The following THG1L variants were observed in gnomAD, a reference collection of about 807,000 sequenced individuals.
THG1L encodes the protein probable tRNA(His) guanylyltransferase.
THG1L carries 27 observed loss-of-function variants against 35.2 expected under a neutral mutation model. The observed-to-expected ratio is 0.77, with a 90% CI of 0.57 to 1.06. The LOEUF (loss-of-function observed/expected upper bound fraction) is 1.06, where lower values mean the gene tolerates loss of function less well. THG1L is among the 50% of genes least tolerant of loss of function. The probability of loss-of-function intolerance (pLI) is 0.00; values close to 1 mark genes in which losing one functional copy is unlikely to be tolerated. For missense variants in THG1L, 377 were observed against 371.8 expected, an observed-to-expected ratio of 1.01 and a Z score of -0.12; for synonymous variants, 135 against 132.4, an observed-to-expected ratio of 1.02 and a Z score of -0.14.
At chr5:157,736,525 C>T (rs991047548) in intron 4 of THG1L, among the ~76,000 whole-genome samples, 1 of 152,204 alleles carries the variant, frequency 6.6e-6, no homozygotes, top group Non-Finnish European at 1.5e-5. Context: ...GCTGGGATTA[C>T]AGGCGTGAGC....
chr5:157,732,875 G>T lies in THG1L; in HGVS notation c.199G>T (p.Glu67Ter). Residue 67 changes from glutamate (E) to a stop codon, truncating the protein, a stop_gained, in exon 2 of 6, where the codon GAG (glutamate) becomes TAG (stop). Transcript: ENST00000231198. LOFTEE classifies it high-confidence loss of function. Reference protein sequence around the residue: ...LDGRNFHRFAEKHNFAKPNDS... With the variant: ...LDGRNFHRFA ...CCTTTTTCCCCTGTGAAGGTTTGCT[G>T]AGAAGCACAACTTTGCAAAACCCAA... 6.2e-7 allele frequency: 1 copy of T among 1,614,158 alleles called. No homozygotes were observed. Among genetic ancestry groups the T allele is most frequent in the South Asian group, 1.1e-5 (1 of 91,072 alleles).
Position 157,739,604 on chromosome 5 carries a change from C to G in THG1L, c.*122C>G. The G allele has an allele frequency of 8.3e-7, 1 of 1,200,764 alleles. No individual in the cohort carries two copies. The allele number at this position is 1,200,764 out of a possible 1,614,324, so 74.4% of individuals were successfully genotyped here. ...GGACACTGGTGCGAATGACACAACTCAAGTTGGGAGGGGAACAGGGAAGGA... is the reference window on the plus strand; with the variant it reads ...GGACACTGGTGCGAATGACACAACTGAAGTTGGGAGGGGAACAGGGAAGGA... On this transcript the variant is annotated 3_prime_UTR_variant, in exon 6 of 6. Coordinates refer to ENST00000231198, the MANE Select transcript of THG1L (RefSeq NM_017872.5).
chr5:157,733,596 G>T (rs1371415064), intron 2 of THG1L, among the ~76,000 whole-genome samples: 1 of 151,974 alleles, frequency 6.6e-6, no homozygotes, highest in Non-Finnish European at 1.5e-5. Flanking sequence ...CTCTCGAAGT[G>T]CTAGGATTAC....
In THG1L at chr5:157,731,599, G is replaced by T; in HGVS notation, c.159G>T (p.Val53=). ...ACACCTGCCTGGCACACTGCTGGGT[G>T]GTAGTGCGGCTGGACGGCCGGAATT... The part of the protein sequence containing the change: ...ADDTCLAHCW[V]VVRLDGRNFH... The change falls in exon 1 of 6, where the codon GTG becomes GTT. Residue 53 remains valine, a synonymous_variant. Coordinates refer to ENST00000231198, the MANE Select transcript of THG1L (RefSeq NM_017872.5). 6.2e-7 allele frequency: 1 copy of T among 1,601,794 alleles called. No individual in the cohort carries two copies. Among genetic ancestry groups the T allele is most frequent in the South Asian group, 1.1e-5 (1 of 89,262 alleles).
In THG1L at chr5:157,731,438, A is replaced by G. The variant is rs763268970; in HGVS notation, c.-3A>G. The G allele has an allele frequency of 1.9e-6, 3 of 1,586,036 alleles. No individual in the cohort carries two copies. The highest frequency in any genetic ancestry group is 2.6e-6 in the Non-Finnish European group (3 of 1,164,514). ...ATCTGGCCCTTTCCTTTCCGCGTGT[A>G]GAATGTGGGGCGCCTGTAAAGTTAA... On this transcript the variant is annotated 5_prime_UTR_variant, in exon 1 of 6. Transcript: ENST00000231198.
chr5:157,737,946 T>C lies in THG1L; in HGVS notation c.687T>C (p.Asn229=). ...TTTCTGAATTCAACATCAACTATAA[T>C]AATGAGCTGCCGATGTATAGGAAAG... The part of the protein sequence containing the change: ...ILFSEFNINY[N]NELPMYRKGT... Residue 229 remains asparagine (N), a synonymous_variant, in exon 5 of 6, where the codon AAT becomes AAC. Transcript: ENST00000231198. The C allele has an allele frequency of 1.2e-6, 2 of 1,613,644 alleles. No individual in the cohort carries two copies. The highest frequency in any genetic ancestry group is 1.1e-5 in the South Asian group (1 of 90,970).
intron 4 of THG1L, 109 bp downstream of exon 4, chr5:157,736,043 C>A: frequency 1.4e-6 from 1 of 730,996 alleles, no homozygotes; most frequent in South Asian, 1.7e-5. Context: ...GATCCCTGTA[C>A]AGCTTTGTTT....
chr5:157,737,333 A>G (rs1030636135), intron 4 of THG1L, among the ~76,000 whole-genome samples: 1 of 151,800 alleles, frequency 6.6e-6, no homozygotes, highest in Non-Finnish European at 1.5e-5. Flanking sequence ...CTCTACAAAA[A>G]TTAGCTGGGT....
chr5:157,732,363 C>A (rs1344785480), intron 1 of THG1L, among the ~76,000 whole-genome samples: 3 of 151,930 alleles, frequency 2.0e-5, no homozygotes, highest in Admixed American at 6.6e-5. Context: ...GTGGAAGGAT[C>A]GCTTGAGCCT....
rs147444070 is a variant in THG1L at position 157,735,334 on chromosome 5, T to TAC, written c.539-494_539-493dup. Reference sequence around the variant, plus strand: ...AAGCCTGTTCAGTGGCAGCTACCTTTACACACACACACACACACAAATGCC... The same window carrying TAC: ...AAGCCTGTTCAGTGGCAGCTACCTTTACACACACACACACACACACAAATGCC... On this transcript the variant is annotated intron_variant, in intron 3 of 5. Transcript: ENST00000231198. 3.9e-3 allele frequency among the ~76,000 whole-genome samples: 590 copies of TAC among 150,824 alleles called. 2 individuals carry two copies. The highest frequency in any genetic ancestry group is 0.012 in the African/African-American group (510 of 41,260).
intron 2 of THG1L, among the ~76,000 whole-genome samples, chr5:157,734,038 G>A (rs1760801753): frequency 6.6e-6 from 1 of 152,138 alleles, no homozygotes; most frequent in Non-Finnish European, 1.5e-5. Flanking sequence ...TGTAGGGAAA[G>A]GTTTAGTATC....
chr5:157,739,560 G>A lies in THG1L; in HGVS notation c.*78G>A, dbSNP rs1346475464. ...CCAGGGCTCCTTGCCTTAGGTGGCT[G>A]TAGCATCCCTACCACCCAGGACACT... On this transcript the variant is annotated 3_prime_UTR_variant, in exon 6 of 6. Coordinates refer to ENST00000231198, the MANE Select transcript of THG1L (RefSeq NM_017872.5). 12 of 1,508,616 alleles carry A rather than the reference G, an allele frequency of 8.0e-6. No individual in the cohort carries two copies. Among genetic ancestry groups the A allele is most frequent in the South Asian group, 6.7e-5 (5 of 75,056 alleles). The allele number at this position is 1,508,616 out of a possible 1,614,324, so 93.5% of individuals were successfully genotyped here.
rs1417680643 is a variant in THG1L, at chr5:157,739,721, T to G, written c.*239T>G. 1 of 369,124 alleles carries G rather than the reference T, an allele frequency of 2.7e-6. No homozygotes were observed. The allele number at this position is 369,124 out of a possible 1,614,324, so 22.9% of individuals were successfully genotyped here. On this transcript the variant is annotated 3_prime_UTR_variant, in exon 6 of 6. Coordinates refer to ENST00000231198, the MANE Select transcript of THG1L (RefSeq NM_017872.5). The stretch of plus-strand genomic sequence containing the variant: ...ATGGTTCCTTTGGCAGAAGTGCTTT[T>G]TTTTTAATCGCAGTACTATTTTTAT...
chr5:157,732,903 A>G lies in THG1L; in HGVS notation c.227A>G (p.Asp76Gly), dbSNP rs1760766300. Residue 76 changes from aspartate (D) to glycine (G), a missense_variant, in exon 2 of 6, where the codon GAC (aspartate) becomes GGC (glycine). By Grantham distance (94) the Asp-to-Gly change is moderately conservative. Coordinates refer to ENST00000231198, the MANE Select transcript of THG1L (RefSeq NM_017872.5). ...AAGCACAACTTTGCAAAACCCAATG[A>G]CAGCCGTGCTCTCCAGCTGATGACC... is the stretch of plus-strand genomic sequence containing the variant. ...AEKHNFAKPN[D>G]SRALQLMTKC... The G allele has an allele frequency of 1.9e-6, 3 of 1,614,098 alleles. No homozygotes were observed. The South Asian group carries it at 3.3e-5, about 18-fold the overall frequency.
chr5:157,737,799 G>C, intron 4 of THG1L, 88 bp from the exon 5 acceptor site: 6 of 1,010,674 alleles, frequency 5.9e-6, no homozygotes, highest in South Asian at 3.1e-5. Context: ...CTTGATTGTG[G>C]AAATTTAGGT....
Position 157,739,406 on chromosome 5 carries a change from C to T in THG1L, c.821C>T (p.Pro274Leu). The T allele has an allele frequency of 6.2e-7, 1 of 1,613,938 alleles. No individual in the cohort carries two copies. The highest frequency in any genetic ancestry group is 2.2e-5 in the East Asian group (1 of 44,842). ...GCAGTGACCCGGACCAGGACAAAGC[C>T]AGTGCCCTTGCACTGCGATATCATC... ...KMAVTRTRTK[P>L]VPLHCDIIGD... The change falls in exon 6 of 6, where the codon CCA becomes CTA. Residue 274 changes from proline (P) to leucine (L), a missense_variant. Transcript: ENST00000231198.
At chr5:157,732,795 G>T in intron 1 of THG1L, 73 bp from the exon 2 acceptor site, 1 of 1,572,598 alleles carries the variant, frequency 6.4e-7, no homozygotes, top group Non-Finnish European at 8.7e-7. Flanking sequence ...AACAGCCTCT[G>T]TTATCTAGCA....
chr5:157,731,939 T>C (rs1760734590), intron 1 of THG1L, among the ~76,000 whole-genome samples: 1 of 152,182 alleles, frequency 6.6e-6, no homozygotes, highest in South Asian at 2.1e-4. Flanking sequence ...ATGCACAATA[T>C]TTAAGCTCTT....
intron 4 of THG1L, among the ~76,000 whole-genome samples, chr5:157,736,425 T>C (rs1760890816): frequency 6.6e-6 from 1 of 151,932 alleles, no homozygotes; most frequent in Admixed American, 6.6e-5. Flanking sequence ...AATTTTTGTA[T>C]TTTTAGTAGA....
Sources: allele counts gnomAD v4.1 joint callset (sites outside exome capture counted in the v4.1 genomes callset), GRCh38; gene constraint gnomAD v4.1.1; transcripts MANE v1.5; gene names NCBI Gene and HGNC (gene_info 2026-07-23, HGNC 2026-07-21).